Variants in PDK1 observed in about 807,000 individuals in gnomAD.
PDK1 encodes the protein [Pyruvate dehydrogenase (acetyl-transferring)] kinase isozyme 1, mitochondrial.
PDK1 carries 39 observed loss-of-function variants against 54.2 expected under a neutral mutation model. That is an observed-to-expected ratio of 0.72 (90% CI 0.56 to 0.94). PDK1 has a LOEUF of 0.94. PDK1 is among the 40% of genes least tolerant of loss of function. The probability of loss-of-function intolerance (pLI) is 0.00; values close to 1 mark genes in which losing one functional copy is unlikely to be tolerated. For synonymous variants in PDK1, 221 were observed against 207.1 expected (o/e 1.07, Z -0.58); for missense variants, 552 against 566.0 (o/e 0.98, Z 0.25).
the PDK1 span, chr2:172,678,867 T>C: frequency 1.3e-5 from 2 of 152,226 alleles, no homozygotes; most frequent in Admixed American, 6.5e-5. Context: ...AGTACAGGTG[T>C]AATGGCTTAC....
At chr2:172,614,180 C>A in the PDK1 span, among the ~76,000 whole-genome samples, 2 of 151,446 alleles carry the variant, frequency 1.3e-5, no homozygotes, top group Non-Finnish European at 1.5e-5. Context: ...GGACCCCCCC[C>A]CCCAACCCCC....
the PDK1 span, among the ~76,000 whole-genome samples, chr2:172,648,813 G>A: frequency 6.6e-6 from 1 of 152,210 alleles, no homozygotes; most frequent in Non-Finnish European, 1.5e-5. Context: ...TGAGGCTTGA[G>A]TAGGTAAACA....
chr2:172,556,138 A>T lies in PDK1; in HGVS notation c.-13A>T, dbSNP rs1348226641. 2.1e-6 allele frequency: 3 copies of T among 1,402,312 alleles called. No individual in the cohort carries two copies. The highest frequency in any genetic ancestry group is 2.8e-6 in the Non-Finnish European group (3 of 1,084,428). The allele number at this position is 1,402,312 out of a possible 1,614,324, so 86.9% of individuals were successfully genotyped here. On this transcript the variant is annotated 5_prime_UTR_variant, in exon 1 of 11. Coordinates refer to ENST00000282077, the MANE Select transcript of PDK1 (RefSeq NM_002610.5). ...CTGGCGTACTGGCTGTGGCTTCTCTAGCGGGACTCGGCATGAGGCTGGCGC... is the reference window on the plus strand; with the variant it reads ...CTGGCGTACTGGCTGTGGCTTCTCTTGCGGGACTCGGCATGAGGCTGGCGC...
At chr2:172,668,821 A>T in the PDK1 span, among the ~76,000 whole-genome samples, 1 of 147,582 alleles carries the variant, frequency 6.8e-6, no homozygotes, top group Non-Finnish European at 1.5e-5. Context: ...TTATATATAT[A>T]TACACACATA....
intron 7 of PDK1, 53 bp downstream of exon 7, chr2:172,568,870 A>G: frequency 9.2e-7 from 1 of 1,090,620 alleles, no homozygotes; most frequent in Non-Finnish European, 1.4e-6. Context: ...GAGGTTAGGA[A>G]TCTGCTCTGA....
the PDK1 span, among the ~76,000 whole-genome samples, chr2:172,657,705 A>T: frequency 6.6e-6 from 1 of 152,152 alleles, no homozygotes; most frequent in African/African-American, 2.4e-5. Flanking sequence ...TGAAATTCCC[A>T]TGTGAAAGAT....
the PDK1 span, among the ~76,000 whole-genome samples, chr2:172,691,866 T>C: frequency 5.9e-5 from 9 of 152,248 alleles, no homozygotes; most frequent in Non-Finnish European, 8.8e-5. Flanking sequence ...TGAACAAAGC[T>C]GCTATAAACA....
chr2:172,577,591 A>G (rs1365990188), intron 8 of PDK1, among the ~76,000 whole-genome samples: 1 of 151,924 alleles, frequency 6.6e-6, no homozygotes, highest in Non-Finnish European at 1.5e-5. Flanking sequence ...TTTTGTTACT[A>G]TATTTCTTTG....
At chr2:172,717,656 T>C in the PDK1 span, among the ~76,000 whole-genome samples, 2 of 152,186 alleles carry the variant, frequency 1.3e-5, no homozygotes, top group Non-Finnish European at 1.5e-5. Flanking sequence ...GCGATTCTCC[T>C]GCCTCACCTC....
At chr2:172,654,440 A>G in the PDK1 span, among the ~76,000 whole-genome samples, 1 of 152,134 alleles carries the variant, frequency 6.6e-6, no homozygotes, top group Non-Finnish European at 1.5e-5. Flanking sequence ...TTAAAAAAGG[A>G]TGAGTTCATG....
intron 8 of PDK1, among the ~76,000 whole-genome samples, chr2:172,578,081 A>G (rs1472794101): frequency 6.6e-6 from 1 of 152,076 alleles, no homozygotes; most frequent in Non-Finnish European, 1.5e-5. Context: ...TTTTTGAAGG[A>G]TAGTTTTGCT....
chr2:172,690,186 C>T, the PDK1 span, among the ~76,000 whole-genome samples: 1 of 150,190 alleles, frequency 6.7e-6, no homozygotes, highest in Admixed American at 6.8e-5. Flanking sequence ...AAAAAGTGGG[C>T]AAAGGATATG....
intron 8 of PDK1, among the ~76,000 whole-genome samples, chr2:172,583,916 A>G (rs1471827459): frequency 6.6e-6 from 1 of 152,198 alleles, no homozygotes; most frequent in Non-Finnish European, 1.5e-5. Flanking sequence ...AGTAAAATCA[A>G]TTCAGATTCT....
At chr2:172,701,914 G>A in the PDK1 span, among the ~76,000 whole-genome samples, 2 of 151,844 alleles carry the variant, frequency 1.3e-5, no homozygotes, top group African/African-American at 4.8e-5. Context: ...TTAGTATTGC[G>A]TTTAGTATAT....
the PDK1 span, among the ~76,000 whole-genome samples, chr2:172,650,175 G>A: frequency 6.6e-6 from 1 of 152,154 alleles, no homozygotes; most frequent in African/African-American, 2.4e-5. Flanking sequence ...GAGAGTGGGG[G>A]CCAATATTCA....
At chr2:172,637,045 T>G in the PDK1 span, among the ~76,000 whole-genome samples, 11 of 152,264 alleles carry the variant, frequency 7.2e-5, no homozygotes, top group Non-Finnish European at 1.6e-4. Context: ...AAGCTGTTTA[T>G]ATAACTGTTT....
intron 7 of PDK1, 55 bp from the exon 8 acceptor site, chr2:172,570,671 A>G: frequency 2.9e-6 from 3 of 1,041,676 alleles, no homozygotes; most frequent in South Asian, 1.4e-5. Flanking sequence ...CTTGAAAATT[A>G]CACTTTCTCT....
At chr2:172,557,610 C>CGTGTGT (rs55753852) in intron 1 of PDK1, among the ~76,000 whole-genome samples, 5,599 of 141,964 alleles carry the variant, frequency 0.039, 120 homozygotes, top group African/African-American at 0.043. Context: ...TCTTTTTTCC[C>CGTGTGT]GTGTGTGTGT....
intron 2 of PDK1, among the ~76,000 whole-genome samples, chr2:172,560,525 A>G (rs1395474407): frequency 6.6e-6 from 1 of 152,196 alleles, no homozygotes; most frequent in Non-Finnish European, 1.5e-5. Flanking sequence ...CTTTTGCGTA[A>G]GACAGTACCA....
Sources: gnomAD v4.1 joint callset for allele counts (sites outside exome capture counted in the v4.1 genomes callset) on GRCh38, gnomAD v4.1.1 for gene constraint, MANE v1.5 for transcripts, NCBI Gene and HGNC (gene_info 2026-07-23, HGNC 2026-07-21) for gene names.